EYA4: variants seen among roughly 807,000 people sequenced by gnomAD.
The protein encoded by EYA4 is protein phosphatase EYA4.
In EYA4, 31 loss-of-function variants were observed where a neutral mutation model predicts 87.9. The observed-to-expected ratio is 0.35, with a 90% CI of 0.27 to 0.48. The LOEUF (loss-of-function observed/expected upper bound fraction) is 0.48. EYA4 is among the 20% of genes least tolerant of loss of function. The probability of loss-of-function intolerance (pLI) is 0.99; values close to 1 mark genes in which losing one functional copy is unlikely to be tolerated. For synonymous variants in EYA4, 263 were observed against 270.6 expected (o/e 0.97, Z 0.28); for missense variants, 678 against 761.4 (o/e 0.89, Z 1.29).
intron 18 of EYA4, among the ~76,000 whole-genome samples, chr6:133,523,723 T>C (rs757768133): frequency 1.3e-5 from 2 of 152,140 alleles, no homozygotes; most frequent in African/African-American, 2.4e-5. Flanking sequence ...TTAGATGATA[T>C]CTGCTTGTGG....
At chr6:133,439,077 G>A (rs1365610236) in intron 3 of EYA4, among the ~76,000 whole-genome samples, 29 of 87,894 alleles carry the variant, frequency 3.3e-4, no homozygotes, top group African/African-American at 4.1e-4. Context: ...AAAAAAAAAA[G>A]TCTTTGGGTT....
At chr6:133,419,867 A>G (rs1424280099) in intron 3 of EYA4, among the ~76,000 whole-genome samples, 1 of 152,218 alleles carries the variant, frequency 6.6e-6, no homozygotes, top group Non-Finnish European at 1.5e-5. Context: ...CATGGTGGGC[A>G]TTAAAGATAG....
At chr6:133,426,403 A>G (rs534294755) in intron 3 of EYA4, among the ~76,000 whole-genome samples, 26 of 152,352 alleles carry the variant, frequency 1.7e-4, no homozygotes, top group African/African-American at 6.0e-4. Context: ...CCCAGCCAAC[A>G]TATGCCTCTT....
intron 2 of EYA4, among the ~76,000 whole-genome samples, chr6:133,335,858 T>A (rs1362369930): frequency 6.6e-6 from 1 of 152,092 alleles, no homozygotes; most frequent in East Asian, 1.9e-4. Context: ...CCTAGAGCAA[T>A]AGGAAAGCTT....
At chr6:133,457,779 T>C (rs540680755) in intron 6 of EYA4, among the ~76,000 whole-genome samples, 26 of 152,318 alleles carry the variant, frequency 1.7e-4, no homozygotes, top group African/African-American at 5.3e-4. Context: ...ACCATAGCTT[T>C]TGTAAACTTT....
chr6:133,453,322 T>A (rs572183380), intron 5 of EYA4, among the ~76,000 whole-genome samples: 4 of 152,178 alleles, frequency 2.6e-5, no homozygotes, highest in Non-Finnish European at 2.9e-5. Flanking sequence ...GAAAAAAGAA[T>A]ACATTTCAAA....
At chr6:133,437,664 G>T (rs1399408557) in intron 3 of EYA4, among the ~76,000 whole-genome samples, 3 of 152,136 alleles carry the variant, frequency 2.0e-5, no homozygotes, top group Non-Finnish European at 4.4e-5. Flanking sequence ...GCATGGCTGG[G>T]GAGGCTTCAG....
chr6:133,341,634 A>G (rs1782785689), intron 2 of EYA4, among the ~76,000 whole-genome samples: 1 of 151,318 alleles, frequency 6.6e-6, no homozygotes. Context: ...TAATGTTGAA[A>G]CAAAGGACTT....
intron 2 of EYA4, among the ~76,000 whole-genome samples, chr6:133,286,126 C>T (rs1430653584): frequency 6.6e-6 from 1 of 152,132 alleles, no homozygotes; most frequent in African/African-American, 2.4e-5. Flanking sequence ...ATTCTTTGGT[C>T]TCTGTGTTCT....
chr6:133,362,356 T>G (rs2128448452), intron 2 of EYA4, among the ~76,000 whole-genome samples: 1 of 152,264 alleles, frequency 6.6e-6, no homozygotes, highest in South Asian at 2.1e-4. Flanking sequence ...GCCGTTATTG[T>G]CCTAGAATGG....
chr6:133,474,624 A>G (rs1241102524), intron 11 of EYA4, among the ~76,000 whole-genome samples: 1 of 152,136 alleles, frequency 6.6e-6, no homozygotes, highest in Non-Finnish European at 1.5e-5. Context: ...AATCGTAACA[A>G]CACACATGTC....
intron 3 of EYA4, among the ~76,000 whole-genome samples, chr6:133,424,906 C>T (rs1583241145): frequency 6.6e-6 from 1 of 150,984 alleles, no homozygotes; most frequent in East Asian, 2.0e-4. Flanking sequence ...GCAGTGCCTC[C>T]CTGCTACAGC....
chr6:133,504,580 T>G (rs1343322093), intron 13 of EYA4, among the ~76,000 whole-genome samples: 2 of 152,198 alleles, frequency 1.3e-5, no homozygotes, highest in African/African-American at 4.8e-5. Flanking sequence ...CTCAATGCCT[T>G]TTTCTTAGCA....
chr6:133,357,187 C>T (rs910590617), intron 2 of EYA4, among the ~76,000 whole-genome samples: 20 of 142,260 alleles, frequency 1.4e-4, no homozygotes, highest in African/African-American at 2.6e-4. Flanking sequence ...AGGAGAATGG[C>T]GTGAACCCGG....
chr6:133,323,041 C>T (rs1465999756), intron 2 of EYA4, among the ~76,000 whole-genome samples: 1 of 151,016 alleles, frequency 6.6e-6, no homozygotes, highest in Non-Finnish European at 1.5e-5. Context: ...TCATTTTATT[C>T]TCTATATCTA....
chr6:133,412,412 C>A (rs894154893), intron 3 of EYA4, among the ~76,000 whole-genome samples: 1 of 152,142 alleles, frequency 6.6e-6, no homozygotes, highest in African/African-American at 2.4e-5. Context: ...TCCCAGAATC[C>A]TCCCTCATGC....
intron 3 of EYA4, chr6:133,435,290 A>G (rs767072358): frequency 3.9e-5 from 6 of 152,316 alleles, no homozygotes; most frequent in Non-Finnish European, 8.8e-5. Context: ...TCACCCTGGC[A>G]GATGGGTCAC....
intron 3 of EYA4, among the ~76,000 whole-genome samples, chr6:133,402,091 T>C (rs941308427): frequency 6.6e-6 from 1 of 152,162 alleles, no homozygotes; most frequent in Non-Finnish European, 1.5e-5. Flanking sequence ...CTAAAAGATA[T>C]CTAGATCATT....
chr6:133,279,109 C>A (rs992406235), intron 2 of EYA4, among the ~76,000 whole-genome samples: 2 of 152,068 alleles, frequency 1.3e-5, no homozygotes, highest in African/African-American at 4.8e-5. Flanking sequence ...TCATCCAAAA[C>A]ATTCATATCA....
Sources: gnomAD v4.1 joint callset for allele counts (sites outside exome capture counted in the v4.1 genomes callset) on GRCh38, gnomAD v4.1.1 for gene constraint, MANE v1.5 for transcripts, NCBI Gene and HGNC (gene_info 2026-07-23, HGNC 2026-07-21) for gene names.